Variants in CFAP299 observed in about 807,000 individuals in gnomAD.
CFAP299 encodes the protein cilia- and flagella-associated protein 299.
A neutral mutation model predicts 27.0 loss-of-function variants in CFAP299; 21 were observed. That is an observed-to-expected ratio of 0.78 (90% CI 0.55 to 1.12). The LOEUF is 1.12. CFAP299 is among the 50% of genes most tolerant of loss of function. CFAP299 has a pLI of 0.00. For missense variants in CFAP299, 310 were observed against 276.6 expected (o/e 1.12, Z -0.86); for synonymous variants, 104 against 98.1 (o/e 1.06, Z -0.36).
chr4:80,472,574 C>G (rs1730059822), intron 2 of CFAP299, among the ~76,000 whole-genome samples: 1 of 152,012 alleles, frequency 6.6e-6, no homozygotes, highest in Non-Finnish European at 1.5e-5. Flanking sequence ...TTGTGAGGAC[C>G]AAGAAGAGAC....
intron 4 of CFAP299, among the ~76,000 whole-genome samples, chr4:80,920,339 G>A (rs922818234): frequency 2.0e-5 from 3 of 152,114 alleles, no homozygotes; most frequent in Admixed American, 1.3e-4. Context: ...CCAAAGTTAA[G>A]CAAAGCAGTA....
At position 80,540,120 on chromosome 4, in the gene CFAP299, G is replaced by GT. The variant is rs1271262313; in HGVS notation, c.243-42972dup. 4.6e-5 allele frequency among the ~76,000 whole-genome samples: 7 copies of GT among 152,358 alleles called. No homozygotes were observed. In the South Asian group the frequency reaches 1.2e-3, roughly 27 times the overall value. ...GAGCATTTTCTAAATGCTGTCGCTT[G>GT]TGAGTCTAGCTTTCTGGCCTTCTTG... On this transcript the variant is annotated intron_variant, in intron 2 of 5. Transcript: ENST00000358105.
At chr4:80,799,581 A>AT (rs1388487361) in intron 3 of CFAP299, among the ~76,000 whole-genome samples, 4,164 of 40,696 alleles carry the variant, frequency 0.1, 323 homozygotes, top group Middle Eastern at 0.15. Flanking sequence ...ATATTTATAA[A>AT]ATATATTATA....
At chr4:80,787,204 A>T (rs1727295370) in intron 3 of CFAP299, among the ~76,000 whole-genome samples, 1 of 148,208 alleles carries the variant, frequency 6.7e-6, no homozygotes, top group Admixed American at 6.8e-5. Context: ...TGGAATATAT[A>T]TATATAATAT....
chr4:80,595,976 C>T (rs575035855), intron 3 of CFAP299, among the ~76,000 whole-genome samples: 3 of 152,240 alleles, frequency 2.0e-5, no homozygotes. Flanking sequence ...GGGTTCCCAT[C>T]ATACCTATTA....
chr4:80,843,328 G>T (rs59888462), intron 3 of CFAP299, among the ~76,000 whole-genome samples: 5,407 of 152,092 alleles, frequency 0.036, 198 homozygotes, highest in African/African-American at 0.099. Flanking sequence ...AGAACATGCG[G>T]TGTTTGGATT....
intron 2 of CFAP299, among the ~76,000 whole-genome samples, chr4:80,497,415 A>C (rs1236306924): frequency 6.6e-6 from 1 of 152,222 alleles, no homozygotes; most frequent in Non-Finnish European, 1.5e-5. Flanking sequence ...AAAATATGCT[A>C]ATTTTAAAGT....
chr4:80,939,734 G>A (rs1202810374), intron 4 of CFAP299, among the ~76,000 whole-genome samples: 1 of 151,984 alleles, frequency 6.6e-6, no homozygotes, highest in Non-Finnish European at 1.5e-5. Flanking sequence ...TTAAAGTTTT[G>A]TGTTGAAAGA....
intron 3 of CFAP299, among the ~76,000 whole-genome samples, chr4:80,709,924 G>T (rs1252839012): frequency 8.5e-5 from 13 of 152,108 alleles, no homozygotes; most frequent in Admixed American, 6.6e-5. Flanking sequence ...AGAGACAGAA[G>T]AATGTAATAG....
chr4:80,800,259 T>C (rs1256886926), intron 3 of CFAP299, among the ~76,000 whole-genome samples: 4 of 71,962 alleles, frequency 5.6e-5, no homozygotes, highest in African/African-American at 1.8e-4. Context: ...ATATATATTA[T>C]ATAAATAAAA....
chr4:80,605,709 C>A (rs1266949292), intron 3 of CFAP299, among the ~76,000 whole-genome samples: 1 of 152,036 alleles, frequency 6.6e-6, no homozygotes, highest in Non-Finnish European at 1.5e-5. Flanking sequence ...AGCTTTTGTT[C>A]TTTATTTTTC....
chr4:80,337,589 G>C (rs1722214648), intron 1 of CFAP299, among the ~76,000 whole-genome samples: 1 of 151,824 alleles, frequency 6.6e-6, no homozygotes, highest in South Asian at 2.1e-4. Context: ...GCAGAGACAG[G>C]GTTTCACCAT....
At chr4:80,911,291 C>T (rs1230722909) in intron 4 of CFAP299, among the ~76,000 whole-genome samples, 1 of 147,464 alleles carries the variant, frequency 6.8e-6, no homozygotes, top group African/African-American at 2.5e-5. Context: ...CCATTTTTAC[C>T]TTTTTTCACT....
rs958306694 is a variant in CFAP299, at chr4:80,395,720, T to G, written c.242+32836T>G. Among the ~76,000 whole-genome samples the G allele has an allele frequency of 2.6e-5, 4 of 152,144 alleles. No homozygotes were observed. The East Asian group carries it at 5.8e-4, about 22-fold the overall frequency. On this transcript the variant is annotated intron_variant, in intron 2 of 5. Transcript: ENST00000358105. ...GATGATGTAAGTAAACTTCTGGCAG[T>G]TAGCTTCTTGCCATTTTTAACAATT...
At chr4:80,848,922 G>A (rs1731334605) in intron 3 of CFAP299, among the ~76,000 whole-genome samples, 1 of 152,160 alleles carries the variant, frequency 6.6e-6, no homozygotes, top group East Asian at 1.9e-4. Context: ...GAAGGCCTAG[G>A]ACATTACTGT....
At chr4:80,902,968 T>G (rs746671684) in intron 4 of CFAP299, among the ~76,000 whole-genome samples, 1 of 152,092 alleles carries the variant, frequency 6.6e-6, no homozygotes, top group Non-Finnish European at 1.5e-5. Flanking sequence ...ATTGACATAT[T>G]TTAGTATAAT....
intron 4 of CFAP299, among the ~76,000 whole-genome samples, chr4:80,916,282 TATATATATATATA>T (rs1735755743): frequency 8.6e-6 from 1 of 116,510 alleles, no homozygotes; most frequent in African/African-American, 4.0e-5. Flanking sequence ...TATATATATA[TATATATATATATA>T]TTTCAGGTAC....
intron 2 of CFAP299, among the ~76,000 whole-genome samples, chr4:80,581,031 G>A (rs1170439762): frequency 2.0e-5 from 3 of 151,804 alleles, no homozygotes; most frequent in Non-Finnish European, 2.9e-5. Flanking sequence ...TTAAACCACT[G>A]AGATTTGGGC....
chr4:80,886,171 G>T (rs1733960031), intron 4 of CFAP299, among the ~76,000 whole-genome samples: 2 of 152,202 alleles, frequency 1.3e-5, no homozygotes, highest in Admixed American at 6.5e-5. Flanking sequence ...TGGTTTGAGT[G>T]CTAGCTTAAC....
Sources: gnomAD v4.1 joint callset for allele counts (sites outside exome capture counted in the v4.1 genomes callset) on GRCh38, gnomAD v4.1.1 for gene constraint, MANE v1.5 for transcripts, NCBI Gene and HGNC (gene_info 2026-07-23, HGNC 2026-07-21) for gene names.